The following SLCO1B1 variants were observed in gnomAD, a reference collection of about 807,000 sequenced individuals.
SLCO1B1 encodes OATP-2.
In SLCO1B1, 81 loss-of-function variants were observed where a neutral mutation model predicts 70.1. The ratio of observed to expected loss-of-function variants is 1.16; its 90% CI spans 0.97 to 1.39. The LOEUF is 1.39. Ranked by LOEUF, SLCO1B1 falls within the 40% of genes most tolerant of loss-of-function variation. The pLI, the probability that SLCO1B1 is intolerant of heterozygous loss-of-function variation, is 0.00. For synonymous variants in SLCO1B1, 283 were observed against 271.5 expected (o/e 1.04, Z -0.42); for missense variants, 895 against 799.6 (o/e 1.12, Z -1.44).
chr12:21,134,353 G>C (rs899420544), intron 1 of SLCO1B1, among the ~76,000 whole-genome samples: 1 of 152,166 alleles, frequency 6.6e-6, no homozygotes, highest in African/African-American at 2.4e-5. Flanking sequence ...CTCATAAAAT[G>C]AGTTAGGGAG....
At chr12:21,161,031 G>GTCAC (rs1940612162) in intron 2 of SLCO1B1, among the ~76,000 whole-genome samples, 1 of 152,110 alleles carries the variant, frequency 6.6e-6, no homozygotes, top group South Asian at 2.1e-4. Flanking sequence ...CAAGGTTGTG[G>GTCAC]AGAAAAGTGA....
chr12:21,218,580 C>G, intron 12 of SLCO1B1, among the ~76,000 whole-genome samples: 1 of 151,682 alleles, frequency 6.6e-6, no homozygotes, highest in East Asian at 2.0e-4. Context: ...ACTAAATATG[C>G]CACAGATATA....
chr12:21,214,517 T>C (rs1247837971), intron 11 of SLCO1B1, among the ~76,000 whole-genome samples: 1 of 150,692 alleles, frequency 6.6e-6, no homozygotes, highest in East Asian at 2.0e-4. Flanking sequence ...GTCTTTTTGT[T>C]TGTCTGTGCC....
At chr12:21,192,897 T>C (rs1211283781) in intron 7 of SLCO1B1, among the ~76,000 whole-genome samples, 1 of 152,116 alleles carries the variant, frequency 6.6e-6, no homozygotes, top group Non-Finnish European at 1.5e-5. Context: ...CATTTTAGAA[T>C]GTTTTGTTTT....
At chr12:21,133,893 G>A (rs957145550) in intron 1 of SLCO1B1, among the ~76,000 whole-genome samples, 3 of 152,138 alleles carry the variant, frequency 2.0e-5, no homozygotes, top group South Asian at 4.1e-4. Flanking sequence ...GTGAGAGAGG[G>A]CATCCCTGTC....
At chr12:21,143,717 A>T (rs917461663) in intron 2 of SLCO1B1, among the ~76,000 whole-genome samples, 9 of 152,092 alleles carry the variant, frequency 5.9e-5, no homozygotes, top group Admixed American at 5.2e-4. Context: ...CCATATTGCT[A>T]AAATAAATGT....
At chr12:21,194,291 A>G (rs2121135308) in intron 7 of SLCO1B1, among the ~76,000 whole-genome samples, 1 of 152,284 alleles carries the variant, frequency 6.6e-6, no homozygotes, top group South Asian at 2.1e-4. Flanking sequence ...TGCTGGGATG[A>G]CAGGCGTGAG....
intron 2 of SLCO1B1, among the ~76,000 whole-genome samples, chr12:21,169,029 T>G (rs1940726846): frequency 6.6e-6 from 1 of 152,152 alleles, no homozygotes; most frequent in African/African-American, 2.4e-5. Flanking sequence ...TCATTTTGAG[T>G]TAATTTTTGC....
At chr12:21,150,537 G>A (rs1173837544) in intron 2 of SLCO1B1, among the ~76,000 whole-genome samples, 1 of 152,158 alleles carries the variant, frequency 6.6e-6, no homozygotes, top group Non-Finnish European at 1.5e-5. Flanking sequence ...CACTGCTGGT[G>A]ATACCTAGGC....
chr12:21,209,046 T>A (rs184450690), intron 11 of SLCO1B1, among the ~76,000 whole-genome samples: 18 of 151,830 alleles, frequency 1.2e-4, no homozygotes, highest in East Asian at 3.9e-4. Context: ...GGTTTTTTTT[T>A]AATTAATTAA....
chr12:21,176,675 G>C, intron 4 of SLCO1B1, 101 bp from the exon 5 acceptor site: 1 of 937,210 alleles, frequency 1.1e-6, no homozygotes, highest in Middle Eastern at 3.4e-4. Context: ...ATTTGGGGAA[G>C]ATAATGGTGC....
chr12:21,217,069 T>A (rs1322616624), intron 11 of SLCO1B1, 50 bp from the exon 12 acceptor site: 2 of 1,367,266 alleles, frequency 1.5e-6, no homozygotes, highest in Non-Finnish European at 2.1e-6. Flanking sequence ...TTTGCAGCAC[T>A]GTTAGGTCTT....
At position 21,178,720 on chromosome 12, in the gene SLCO1B1, T is replaced by C; in HGVS notation, c.626T>C (p.Leu209Ser). 1 of 1,600,312 alleles carries C rather than the reference T, an allele frequency of 6.2e-7. No individual in the cohort carries two copies. Among genetic ancestry groups the C allele is most frequent in the Non-Finnish European group, 8.6e-7 (1 of 1,167,490 alleles). The part of the protein sequence containing the change: ...FAKEGHSSLY[L>S]GILNAIAMIG... Reference sequence around the variant, plus strand: ...AAAGAAGGACATTCTTCTTTGTATTTAGGTAATGTACACAAAATATTAAAT... The same window carrying C: ...AAAGAAGGACATTCTTCTTTGTATTCAGGTAATGTACACAAAATATTAAAT... Residue 209 changes from leucine (L) to serine (S), a missense_variant and splice_region_variant, in exon 6 of 15, where the codon TTA (leucine) becomes TCA (serine). Physicochemically the swap from Leu to Ser is moderately radical, Grantham distance 145. Coordinates refer to ENST00000256958, the MANE Select transcript of SLCO1B1 (RefSeq NM_006446.5).
rs373940805 is a variant in SLCO1B1 at position 21,132,384 on chromosome 12, A to G, written c.-62+1148A>G. On this transcript the variant is annotated intron_variant, in intron 1 of 14. Coordinates refer to ENST00000256958, the MANE Select transcript of SLCO1B1 (RefSeq NM_006446.5). ...GATGGCTGGGTCAAATGGTATTTCC[A>G]GTTCTAGATCCCTGAGGAATCGCCA... Among the ~76,000 whole-genome samples, 32 of 152,266 alleles carry G rather than the reference A, an allele frequency of 2.1e-4. 1 individual carries two copies. In the East Asian group the frequency reaches 6.0e-3, roughly 28 times the overall value.
chr12:21,152,809 A>G (rs1221741759), intron 2 of SLCO1B1, among the ~76,000 whole-genome samples: 2 of 152,076 alleles, frequency 1.3e-5, no homozygotes, highest in Admixed American at 6.5e-5. Flanking sequence ...GCTCTAGTCT[A>G]TTTCAAAAAT....
At position 21,172,728 on chromosome 12, in the gene SLCO1B1, A is replaced by C. The variant is rs915159194; in HGVS notation, c.163A>C (p.Ile55Leu). The C allele has an allele frequency of 1.9e-6, 3 of 1,613,606 alleles. No homozygotes were observed. The highest frequency in any genetic ancestry group is 2.5e-6 in the Non-Finnish European group (3 of 1,179,776). Reference sequence around the variant, plus strand: ...TATTATGAAAAGTTCCATCATTCATATAGAACGGAGATTTGAGATATCCTC... The same window carrying C: ...TATTATGAAAAGTTCCATCATTCATCTAGAACGGAGATTTGAGATATCCTC... ...AIIMKSSIIH[I>L]ERRFEISSSL... Residue 55 changes from isoleucine (I) to leucine (L), a missense_variant, in exon 3 of 15, where the codon ATA becomes CTA. By Grantham distance (5) the Ile-to-Leu change is conservative (BLOSUM62 2). Transcript: ENST00000256958.
intron 11 of SLCO1B1, among the ~76,000 whole-genome samples, chr12:21,211,343 G>A (rs1320202151): frequency 6.6e-6 from 1 of 152,040 alleles, no homozygotes; most frequent in Non-Finnish European, 1.5e-5. Context: ...CTTTGGCTCT[G>A]TTTATATGCT....
At chr12:21,235,420 T>G (rs915214580) in intron 14 of SLCO1B1, among the ~76,000 whole-genome samples, 11 of 150,538 alleles carry the variant, frequency 7.3e-5, no homozygotes, top group African/African-American at 2.7e-4. Context: ...TTCTTTTACT[T>G]TAAGTCTATG....
intron 14 of SLCO1B1, among the ~76,000 whole-genome samples, chr12:21,232,101 C>A (rs151122450): frequency 2.0e-5 from 3 of 152,094 alleles, no homozygotes. Flanking sequence ...AGAAGTTGGT[C>A]ATGGAGGAGC....
Sources: allele counts gnomAD v4.1 joint callset (sites outside exome capture counted in the v4.1 genomes callset), GRCh38; gene constraint gnomAD v4.1.1; transcripts MANE v1.5; gene names NCBI Gene and HGNC (gene_info 2026-07-23, HGNC 2026-07-21).